The following EBF2 variants were observed in gnomAD, a reference collection of about 807,000 sequenced individuals.
The protein encoded by EBF2 is EBF transcription factor 2.
In EBF2, 21 loss-of-function variants were observed where a neutral mutation model predicts 72.8. That is an observed-to-expected ratio of 0.29 (90% CI 0.20 to 0.42). EBF2 has a LOEUF of 0.42. Ranked by LOEUF, EBF2 falls within the 10% of genes least tolerant of loss-of-function variation. The pLI is 1.00. For missense variants in EBF2, 637 were observed against 731.2 expected, an observed-to-expected ratio of 0.87 and a Z score of 1.49; for synonymous variants, 299 against 274.2, an observed-to-expected ratio of 1.09 and a Z score of -0.89.
At chr8:25,973,247 A>T (rs1324906604) in intron 6 of EBF2, among the ~76,000 whole-genome samples, 4 of 152,184 alleles carry the variant, frequency 2.6e-5, no homozygotes, top group African/African-American at 9.7e-5. Flanking sequence ...AAAAGCTAAC[A>T]TTAAGATATG....
intron 6 of EBF2, among the ~76,000 whole-genome samples, chr8:25,915,608 G>GA (rs34778900): frequency 0.73 from 96,187 of 130,936 alleles, 35,489 homozygotes; most frequent in East Asian, 0.84. Context: ...CAGCCTTTTG[G>GA]AAAAAAAAAA....
intron 5 of EBF2, 130 bp downstream of exon 5, chr8:26,039,898 C>G (rs1006477392): frequency 3.0e-5 from 26 of 871,382 alleles, no homozygotes; most frequent in Admixed American, 3.7e-5. Flanking sequence ...ACTCTGCGCC[C>G]GTCTGCCCGC....
intron 6 of EBF2, among the ~76,000 whole-genome samples, chr8:25,988,991 T>A (rs1172960693): frequency 2.0e-5 from 3 of 152,234 alleles, no homozygotes; most frequent in Non-Finnish European, 2.9e-5. Context: ...TTATGTGATA[T>A]CCAAACACAA....
chr8:26,035,127 C>A (rs1805477014), intron 5 of EBF2, among the ~76,000 whole-genome samples: 1 of 140,680 alleles, frequency 7.1e-6, no homozygotes, highest in African/African-American at 2.7e-5. Context: ...TGGCCTAGCA[C>A]CAACCCAGTC....
At chr8:25,917,654 A>G (rs78354631) in intron 6 of EBF2, among the ~76,000 whole-genome samples, 6,497 of 152,290 alleles carry the variant, frequency 0.043, 452 homozygotes, top group African/African-American at 0.15. Context: ...TTCCCTTGCC[A>G]GTACCATGAC....
At chr8:25,951,749 G>A (rs1803865991) in intron 6 of EBF2, among the ~76,000 whole-genome samples, 1 of 152,128 alleles carries the variant, frequency 6.6e-6, no homozygotes, top group African/African-American at 2.4e-5. Flanking sequence ...TTCCCAGGAA[G>A]AAGGGAAGGC....
At chr8:25,879,456 C>T (rs1319279821) in intron 10 of EBF2, among the ~76,000 whole-genome samples, 1 of 152,200 alleles carries the variant, frequency 6.6e-6, no homozygotes, top group Non-Finnish European at 1.5e-5. Context: ...TTCAGGTGTT[C>T]TCTTATCAAA....
chr8:25,851,774 A>G (rs1228206985), intron 14 of EBF2, among the ~76,000 whole-genome samples: 1 of 152,152 alleles, frequency 6.6e-6, no homozygotes, highest in Non-Finnish European at 1.5e-5. Flanking sequence ...TTTTCAATGG[A>G]CCACCTGTCC....
At chr8:25,996,362 C>T (rs1432000655) in intron 6 of EBF2, among the ~76,000 whole-genome samples, 1 of 151,148 alleles carries the variant, frequency 6.6e-6, no homozygotes, top group Non-Finnish European at 1.5e-5. Context: ...TTTTTTCCAG[C>T]ATCCCAAAAG....
chr8:26,037,311 C>T (rs533042311), intron 5 of EBF2, among the ~76,000 whole-genome samples: 1 of 152,118 alleles, frequency 6.6e-6, no homozygotes, highest in Admixed American at 6.5e-5. Flanking sequence ...GAGAGTGTCC[C>T]GTCAGCCAAA....
intron 7 of EBF2, among the ~76,000 whole-genome samples, chr8:25,899,213 G>A (rs976509083): frequency 2.0e-5 from 3 of 151,008 alleles, no homozygotes; most frequent in African/African-American, 7.3e-5. Context: ...ATTGGACTAA[G>A]AGAAAGATCC....
At chr8:25,862,113 G>T (rs1041673189) in intron 11 of EBF2, among the ~76,000 whole-genome samples, 1 of 152,306 alleles carries the variant, frequency 6.6e-6, no homozygotes, top group South Asian at 2.1e-4. Context: ...TAATTTGTGT[G>T]TTTAAAGTGC....
chr8:25,931,763 G>A (rs962735545), intron 6 of EBF2, among the ~76,000 whole-genome samples: 11 of 151,884 alleles, frequency 7.2e-5, no homozygotes, highest in African/African-American at 9.7e-5. Flanking sequence ...TCCATCTTTC[G>A]TCCATTGACA....
intron 2 of EBF2, among the ~76,000 whole-genome samples, 196 bp downstream of exon 2, chr8:26,041,899 A>G (rs574606206): frequency 6.6e-6 from 1 of 152,278 alleles, no homozygotes; most frequent in African/African-American, 2.4e-5. Flanking sequence ...GCGCTCCTCC[A>G]GCTCCAGGTT....
chr8:25,852,559 T>C (rs2117250472), intron 14 of EBF2, among the ~76,000 whole-genome samples: 1 of 152,268 alleles, frequency 6.6e-6, no homozygotes, highest in South Asian at 2.1e-4. Flanking sequence ...CTAGTACAGA[T>C]AATTATTTTC....
intron 6 of EBF2, among the ~76,000 whole-genome samples, chr8:25,972,580 G>T (rs997296619): frequency 1.3e-5 from 2 of 152,110 alleles, no homozygotes; most frequent in Non-Finnish European, 2.9e-5. Context: ...GCAAAAAAAG[G>T]ATTTAAGAGA....
intron 10 of EBF2, among the ~76,000 whole-genome samples, chr8:25,873,179 T>C (rs1480117691): frequency 1.3e-5 from 2 of 152,234 alleles, no homozygotes; most frequent in Non-Finnish European, 2.9e-5. Context: ...GGGATAAAGC[T>C]GGTCCTAGCT....
intron 7 of EBF2, among the ~76,000 whole-genome samples, chr8:25,895,402 C>T (rs7832399): frequency 0.65 from 98,368 of 152,052 alleles, 32,725 homozygotes; most frequent in East Asian, 0.86. Flanking sequence ...ACCAACTCAA[C>T]AAACAGACCA....
At chr8:25,980,113 T>A (rs775150714) in intron 6 of EBF2, among the ~76,000 whole-genome samples, 4 of 152,132 alleles carry the variant, frequency 2.6e-5, no homozygotes, top group Non-Finnish European at 4.4e-5. Flanking sequence ...GACTCTCTCA[T>A]TCCCTTGGGT....
Sources: allele counts gnomAD v4.1 joint callset (sites outside exome capture counted in the v4.1 genomes callset), GRCh38; gene constraint gnomAD v4.1.1; transcripts MANE v1.5; gene names NCBI Gene and HGNC (gene_info 2026-07-23, HGNC 2026-07-21).